The following PDCD10 variants were observed in gnomAD, a reference collection of about 807,000 sequenced individuals.
PDCD10 encodes the protein programmed cell death 10.
PDCD10 carries 4 observed loss-of-function variants against 29.2 expected under a neutral mutation model. That is an observed-to-expected ratio of 0.14 (90% CI 0.07 to 0.31). PDCD10 has a LOEUF of 0.31. PDCD10 is among the 10% of genes least tolerant of loss of function. The probability of loss-of-function intolerance (pLI) is 1.00; values close to 1 mark genes in which losing one functional copy is unlikely to be tolerated. For missense variants in PDCD10, 183 were observed against 257.9 expected, an observed-to-expected ratio of 0.71 and a Z score of 1.99; for synonymous variants, 70 against 82.2, an observed-to-expected ratio of 0.85 and a Z score of 0.80.
chr3:167,683,479 T>C lies in PDCD10; in HGVS notation c.*829A>G, dbSNP rs933628943. ...CCGTTGATATAGCTTCAAATTACTA[T>C]TAATTGTGGCTATTTTTTGGGAAAA... On this transcript the variant is annotated 3_prime_UTR_variant, in exon 9 of 9. Transcript: ENST00000392750. 4 of 152,002 alleles carry C rather than the reference T, an allele frequency of 2.6e-5. No individual in the cohort carries two copies. The highest frequency in any genetic ancestry group is 4.4e-5 in the Non-Finnish European group (3 of 67,908). 9.4% of individuals were successfully genotyped at this position (152,002 alleles called of 1,614,324 possible).
chr3:167,722,791 C>T (rs1449538316), intron 2 of PDCD10, among the ~76,000 whole-genome samples: 1 of 152,176 alleles, frequency 6.6e-6, no homozygotes, highest in Non-Finnish European at 1.5e-5. Context: ...GAGTCACTTT[C>T]AGAATTACTG....
chr3:167,720,132 TTCA>T lies in PDCD10; in HGVS notation c.23_25del (p.Met8del), dbSNP rs1207499007. On this transcript the variant is annotated inframe_deletion, in exon 3 of 9. Coordinates refer to ENST00000392750, the MANE Select transcript of PDCD10 (RefSeq NM_007217.4). ...CATGGATGTGGTCTCAGCTTCATTCTTCATCTCTTCCATTGTCATCCTCATTCA... is the reference window on the plus strand; with the variant it reads ...CATGGATGTGGTCTCAGCTTCATTCTTCTCTTCCATTGTCATCCTCATTCA... 2 of 1,611,974 alleles carry T rather than the reference TTCA, an allele frequency of 1.2e-6. No homozygotes were observed. The highest frequency in any genetic ancestry group is 2.2e-5 in the South Asian group (2 of 91,032).
chr3:167,702,303 G>A (rs1037247954), intron 4 of PDCD10, among the ~76,000 whole-genome samples: 1 of 152,064 alleles, frequency 6.6e-6, no homozygotes, highest in African/African-American at 2.4e-5. Flanking sequence ...ATGTGAAAAC[G>A]ACAAGGATGC....
rs574136494 is a variant in PDCD10 at position 167,721,559 on chromosome 3, CA to C, written c.-116-1287del. Among the ~76,000 whole-genome samples the C allele has an allele frequency of 5.3e-5, 8 of 152,284 alleles. No homozygotes were observed. The East Asian group carries it at 1.2e-3, about 22-fold the overall frequency. On this transcript the variant is annotated intron_variant, in intron 2 of 8. Transcript: ENST00000392750. ...TAAGACCTAACAAGACTGAAAGATA[CA>C]ATCAAAGGCCTGCAGTGACGCTTCA...
At chr3:167,694,063 A>G (rs1157796458) in intron 6 of PDCD10, among the ~76,000 whole-genome samples, 1 of 152,164 alleles carries the variant, frequency 6.6e-6, no homozygotes, top group Non-Finnish European at 1.5e-5. Context: ...TTAAGCTGAC[A>G]CCCATAACAG....
intron 4 of PDCD10, among the ~76,000 whole-genome samples, chr3:167,703,025 C>G (rs1721601111): frequency 6.6e-6 from 1 of 152,202 alleles, no homozygotes; most frequent in Admixed American, 6.5e-5. Flanking sequence ...AAGAAAAACC[C>G]TCAGGAAATT....
chr3:167,685,843 G>A (rs1719561036), intron 8 of PDCD10, among the ~76,000 whole-genome samples: 1 of 152,084 alleles, frequency 6.6e-6, no homozygotes, highest in African/African-American at 2.4e-5. Context: ...AAGTCATCAA[G>A]GAGCATTTCC....
intron 3 of PDCD10, among the ~76,000 whole-genome samples, chr3:167,714,900 C>A (rs960345898): frequency 1.3e-5 from 2 of 151,800 alleles, no homozygotes; most frequent in Non-Finnish European, 3.0e-5. Flanking sequence ...CCTAGCAAAA[C>A]ACCAATGACA....
Position 167,684,228 on chromosome 3 carries a change from T to C in PDCD10, c.*80A>G. The C allele has an allele frequency of 1.2e-6, 1 of 807,908 alleles. No homozygotes were observed. The highest frequency in any genetic ancestry group is 2.2e-6 in the Non-Finnish European group (1 of 452,800). 50.0% of individuals were successfully genotyped at this position (807,908 alleles called of 1,614,324 possible). A position where few individuals can be genotyped will look rare whatever the true frequency, so the allele number is the denominator to read the frequency against. ...CCCTTCAGGAGGGACTGATAATTTA[T>C]ACAGTCAAACTTTAAAATTTACAGA... is the stretch of plus-strand genomic sequence containing the variant. On this transcript the variant is annotated 3_prime_UTR_variant, in exon 9 of 9. Transcript: ENST00000392750.
intron 3 of PDCD10, among the ~76,000 whole-genome samples, chr3:167,709,812 A>G (rs1481648337): frequency 6.6e-6 from 1 of 151,844 alleles, no homozygotes; most frequent in Non-Finnish European, 1.5e-5. Flanking sequence ...CTCACAGAAT[A>G]AGAGACTCCT....
At chr3:167,730,462 G>C (rs1357353456) in intron 2 of PDCD10, among the ~76,000 whole-genome samples, 3 of 152,142 alleles carry the variant, frequency 2.0e-5, no homozygotes, top group Non-Finnish European at 4.4e-5. Flanking sequence ...GGTTATGCTA[G>C]GTAAATATGA....
chr3:167,687,034 T>A (rs1326465812), intron 8 of PDCD10, among the ~76,000 whole-genome samples, 200 bp downstream of exon 8: 1 of 152,166 alleles, frequency 6.6e-6, no homozygotes, highest in Non-Finnish European at 1.5e-5. Flanking sequence ...TCAGAAAGCG[T>A]CTGATAACTC....
At chr3:167,706,565 C>T (rs574571822) in intron 3 of PDCD10, among the ~76,000 whole-genome samples, 3 of 147,956 alleles carry the variant, frequency 2.0e-5, no homozygotes, top group African/African-American at 5.1e-5. Context: ...GGTAATGTTG[C>T]GCTACAATGA....
chr3:167,704,731 G>T, intron 4 of PDCD10, 111 bp downstream of exon 4: 1 of 755,218 alleles, frequency 1.3e-6, no homozygotes. Flanking sequence ...ACAGGCATAA[G>T]ATGGCTAAAA....
intron 4 of PDCD10, among the ~76,000 whole-genome samples, chr3:167,703,353 A>G (rs114167987): frequency 0.017 from 2,533 of 152,224 alleles, 31 homozygotes; most frequent in Non-Finnish European, 0.024. Flanking sequence ...TGAAGCTACT[A>G]AATATATATG....
chr3:167,716,472 G>A (rs954907528), intron 3 of PDCD10, among the ~76,000 whole-genome samples: 2 of 151,906 alleles, frequency 1.3e-5, no homozygotes, highest in Admixed American at 6.6e-5. Flanking sequence ...CATTCACCAT[G>A]ATGTGATTAT....
chr3:167,700,570 C>T (rs950235639), intron 4 of PDCD10, among the ~76,000 whole-genome samples: 1 of 151,998 alleles, frequency 6.6e-6, no homozygotes. Context: ...TTGTGAAATA[C>T]CTTTTTGTCT....
At chr3:167,686,631 A>G (rs900866280) in intron 8 of PDCD10, among the ~76,000 whole-genome samples, 1 of 152,178 alleles carries the variant, frequency 6.6e-6, no homozygotes, top group African/African-American at 2.4e-5. Flanking sequence ...AAGAAATGCA[A>G]ATTCTTAGGC....
At chr3:167,709,031 A>G (rs1722273888) in intron 3 of PDCD10, among the ~76,000 whole-genome samples, 1 of 152,188 alleles carries the variant, frequency 6.6e-6, no homozygotes, top group African/African-American at 2.4e-5. Flanking sequence ...TTCAAACCCA[A>G]AATGCTAATT....
Sources: allele counts gnomAD v4.1 joint callset (sites outside exome capture counted in the v4.1 genomes callset), GRCh38; gene constraint gnomAD v4.1.1; transcripts MANE v1.5; gene names NCBI Gene and HGNC (gene_info 2026-07-23, HGNC 2026-07-21).